The following GPC5 variants were observed in gnomAD, a reference collection of about 807,000 sequenced individuals.
GPC5 encodes the protein glypican 5, also known as glypican-5.
A neutral mutation model predicts 53.9 loss-of-function variants in GPC5; 47 were observed. The ratio of observed to expected loss-of-function variants is 0.87; its 90% CI spans 0.69 to 1.11. The LOEUF (loss-of-function observed/expected upper bound fraction) is 1.11. GPC5 is among the 50% of genes most tolerant of loss of function. GPC5 has a pLI of 0.00. For missense variants in GPC5, 748 were observed against 713.1 expected (o/e 1.05, Z -0.56); for synonymous variants, 286 against 263.3 (o/e 1.09, Z -0.84).
intron 7 of GPC5, among the ~76,000 whole-genome samples, chr13:92,258,883 C>T (rs2042745382): frequency 6.6e-6 from 1 of 152,142 alleles, no homozygotes; most frequent in African/African-American, 2.4e-5. Flanking sequence ...TTGAAGGCTG[C>T]AGTGTACTAT....
chr13:92,606,192 C>T (rs996891260), intron 7 of GPC5, among the ~76,000 whole-genome samples: 1 of 151,992 alleles, frequency 6.6e-6, no homozygotes, highest in African/African-American at 2.4e-5. Context: ...CACCCATTAA[C>T]TCGTCATTTA....
chr13:91,452,857 G>T (rs7332889), intron 2 of GPC5, among the ~76,000 whole-genome samples: 96,987 of 151,700 alleles, frequency 0.64, 31,591 homozygotes, highest in African/African-American at 0.74. Context: ...TGTGTTTTGT[G>T]TTAATATTTG....
chr13:92,459,851 C>G (rs949282036), intron 7 of GPC5, among the ~76,000 whole-genome samples: 2 of 151,920 alleles, frequency 1.3e-5, no homozygotes, highest in Non-Finnish European at 2.9e-5. Context: ...TTAGCTCTAA[C>G]TTTAGCTTTT....
At chr13:92,549,876 CACACACAT>C (rs1228497008) in intron 7 of GPC5, among the ~76,000 whole-genome samples, 2 of 103,612 alleles carry the variant, frequency 1.9e-5, no homozygotes, top group Non-Finnish European at 3.9e-5. Flanking sequence ...TTTTACCAAA[CACACACAT>C]ACACACACAC....
At chr13:92,514,129 A>G (rs912991578) in intron 7 of GPC5, among the ~76,000 whole-genome samples, 20 of 91,894 alleles carry the variant, frequency 2.2e-4, no homozygotes, top group Admixed American at 2.7e-4. Context: ...AGGTTTTGCT[A>G]GTCCCTGCCC....
Position 92,427,550 on chromosome 13 carries a change from A to G in GPC5, c.1561+282561A>G, listed in dbSNP as rs80195001. 1.3e-3 allele frequency among the ~76,000 whole-genome samples: 197 copies of G among 152,008 alleles called. 1 individual carries two copies. The East Asian group carries it at 0.036, about 28-fold the overall frequency. ...ATGCCACGTTACTCTATTGCTTCTG[A>G]TAGTAATTGTAGAAAAATGTCTAAT... is the stretch of plus-strand genomic sequence containing the variant. On this transcript the variant is annotated intron_variant, in intron 7 of 7. Coordinates refer to ENST00000377067, the MANE Select transcript of GPC5 (RefSeq NM_004466.6).
At position 91,875,852 on chromosome 13, in the gene GPC5, A is replaced by G. The variant is rs557978692; in HGVS notation, c.1281-32085A>G. On this transcript the variant is annotated intron_variant, in intron 5 of 7. Coordinates refer to ENST00000377067, the MANE Select transcript of GPC5 (RefSeq NM_004466.6). ...GTGCATTGTCAAAACCAGGAAATTCATATTGGCATAACACAATTAACTAGT... is the reference window on the plus strand; with the variant it reads ...GTGCATTGTCAAAACCAGGAAATTCGTATTGGCATAACACAATTAACTAGT... 1.2e-4 allele frequency among the ~76,000 whole-genome samples: 18 copies of G among 152,344 alleles called. No individual in the cohort carries two copies. In the South Asian group the frequency reaches 3.5e-3, roughly 30 times the overall value.
chr13:91,428,095 AC>A (rs1271170041), intron 1 of GPC5, among the ~76,000 whole-genome samples: 1 of 152,130 alleles, frequency 6.6e-6, no homozygotes, highest in African/African-American at 2.4e-5. Flanking sequence ...GTGAAAATGG[AC>A]TAACACAATG....
chr13:91,693,395 C>T lies in GPC5; in HGVS notation c.534C>T (p.Leu178=), dbSNP rs1270258396. 10 of 1,614,004 alleles carry T rather than the reference C, an allele frequency of 6.2e-6. No individual in the cohort carries two copies. The highest frequency in any genetic ancestry group is 7.6e-6 in the Non-Finnish European group (9 of 1,180,020). The change falls in exon 3 of 8, where the codon CTC becomes CTT. Residue 178 remains leucine (L), a synonymous_variant. Transcript: ENST00000377067. The part of the protein sequence containing the change: ...DSLFPLVYNH[L]INPGVTDSSL... ...TTTTTCCTCTGGTCTACAACCACCT[C>T]ATTAACCCTGGTGTGACTGACAGTT...
chr13:92,682,941 C>T (rs945598624), intron 7 of GPC5, among the ~76,000 whole-genome samples: 1 of 152,024 alleles, frequency 6.6e-6, no homozygotes, highest in Non-Finnish European at 1.5e-5. Flanking sequence ...TCTCCTTGTT[C>T]CCAGGATAGA....
rs1885154096 is a variant in GPC5 at position 92,629,122 on chromosome 13, A to T, written c.1562-237160A>T. Among the ~76,000 whole-genome samples, 3 of 152,202 alleles carry T rather than the reference A, an allele frequency of 2.0e-5. No homozygotes were observed. In the South Asian group the frequency reaches 6.2e-4, roughly 31 times the overall value. ...AACAACGAGAAAGATCCAAGGAATG[A>T]GATGCCAGGAGTTTCTTCTGAAAGT... On this transcript the variant is annotated intron_variant, in intron 7 of 7. Coordinates refer to ENST00000377067, the MANE Select transcript of GPC5 (RefSeq NM_004466.6).
chr13:92,149,104 A>G (rs796746204), intron 7 of GPC5, among the ~76,000 whole-genome samples: 1 of 152,088 alleles, frequency 6.6e-6, no homozygotes, highest in African/African-American at 2.4e-5. Context: ...AGAACCAGAT[A>G]CCAGACACTT....
intron 7 of GPC5, among the ~76,000 whole-genome samples, chr13:92,596,595 TC>T (rs1467227847): frequency 6.6e-6 from 1 of 152,046 alleles, no homozygotes; most frequent in African/African-American, 2.4e-5. Context: ...TGCCTCAGCC[TC>T]CCAAGTAGCT....
chr13:91,441,310 A>C (rs1315410457), intron 1 of GPC5, among the ~76,000 whole-genome samples: 1 of 152,194 alleles, frequency 6.6e-6, no homozygotes, highest in Non-Finnish European at 1.5e-5. Context: ...GCCATTAAAG[A>C]GGTGTTATCA....
At chr13:92,776,671 A>G (rs1875818505) in intron 7 of GPC5, among the ~76,000 whole-genome samples, 2 of 152,072 alleles carry the variant, frequency 1.3e-5, no homozygotes, top group Admixed American at 1.3e-4. Context: ...TATTCTTCTA[A>G]TTGTGGGGGA....
At chr13:92,435,630 A>G (rs1290402525) in intron 7 of GPC5, among the ~76,000 whole-genome samples, 1 of 152,166 alleles carries the variant, frequency 6.6e-6, no homozygotes, top group Non-Finnish European at 1.5e-5. Flanking sequence ...GCCAACAACT[A>G]TGGGGAGGGA....
chr13:92,057,191 CA>C (rs1298099120), intron 6 of GPC5, among the ~76,000 whole-genome samples: 3 of 152,086 alleles, frequency 2.0e-5, no homozygotes, highest in Admixed American at 6.6e-5. Flanking sequence ...AGCCATCTAC[CA>C]TGTAAGAAGT....
At chr13:91,783,593 C>T (rs1160481978) in intron 5 of GPC5, among the ~76,000 whole-genome samples, 1 of 151,940 alleles carries the variant, frequency 6.6e-6, no homozygotes, top group Non-Finnish European at 1.5e-5. Flanking sequence ...GCCACCATGC[C>T]CGGCTAATTT....
chr13:92,186,845 C>T (rs1192932028), intron 7 of GPC5, among the ~76,000 whole-genome samples: 1 of 152,154 alleles, frequency 6.6e-6, no homozygotes, highest in African/African-American at 2.4e-5. Context: ...TTTACTTCCG[C>T]TCATGCCTGT....
Sources: allele counts gnomAD v4.1 joint callset (sites outside exome capture counted in the v4.1 genomes callset), GRCh38; gene constraint gnomAD v4.1.1; transcripts MANE v1.5; gene names NCBI Gene and HGNC (gene_info 2026-07-23, HGNC 2026-07-21).